LRP8: variants seen among roughly 807,000 people sequenced by gnomAD.
The protein encoded by LRP8 is low-density lipoprotein receptor-related protein 8.
LRP8 carries 46 observed loss-of-function variants against 111.6 expected under a neutral mutation model. That is an observed-to-expected ratio of 0.41 (90% CI 0.33 to 0.53). The LOEUF (loss-of-function observed/expected upper bound fraction) is 0.53. Among genes scored for constraint, LRP8 ranks in the 20% least tolerant of loss-of-function variants. The pLI, the probability that LRP8 is intolerant of heterozygous loss-of-function variation, is 0.20. For missense variants in LRP8, 959 were observed against 1,297.4 expected (o/e 0.74, Z 4.01); for synonymous variants, 464 against 511.2 (o/e 0.91, Z 1.24).
At chr1:53,252,471 G>C (rs1292931938) in intron 16 of LRP8, among the ~76,000 whole-genome samples, 1 of 152,140 alleles carries the variant, frequency 6.6e-6, no homozygotes. Context: ...AGGAGTTCGA[G>C]GATGCAGTGA....
At chr1:53,306,114 A>G (rs942368559) in intron 2 of LRP8, 1 of 152,218 alleles carries the variant, frequency 6.6e-6, no homozygotes, top group Non-Finnish European at 1.5e-5. Flanking sequence ...GGTGGCACTC[A>G]ACCATCTTTC....
intron 6 of LRP8, 113 bp from the exon 7 acceptor site, chr1:53,271,459 G>A (rs1215237460): frequency 9.2e-6 from 11 of 1,197,728 alleles, no homozygotes; most frequent in Middle Eastern, 4.9e-4. Context: ...CTCCCATAGA[G>A]GCAGGAGGGC....
chr1:53,270,754 A>G (rs996418264), intron 8 of LRP8, among the ~76,000 whole-genome samples: 2 of 152,172 alleles, frequency 1.3e-5, no homozygotes, highest in African/African-American at 2.4e-5. Flanking sequence ...AAAGAAACAC[A>G]GCTATTGCTG....
At chr1:53,254,609 T>C (rs1167324838) in intron 16 of LRP8, among the ~76,000 whole-genome samples, 2 of 152,182 alleles carry the variant, frequency 1.3e-5, no homozygotes, top group African/African-American at 4.8e-5. Context: ...CCATGTCTTA[T>C]TCATCTTTAA....
At chr1:53,283,517 C>T (rs1396029075) in intron 3 of LRP8, among the ~76,000 whole-genome samples, 2 of 127,662 alleles carry the variant, frequency 1.6e-5, no homozygotes, top group South Asian at 2.7e-4. Flanking sequence ...ACTACATACC[C>T]GGGCCACTTA....
At chr1:53,265,910 A>C (rs1042755356) in intron 9 of LRP8, among the ~76,000 whole-genome samples, 1 of 152,222 alleles carries the variant, frequency 6.6e-6, no homozygotes, top group East Asian at 1.9e-4. Flanking sequence ...CAGTGTGTGA[A>C]GAGCTTCCCA....
At chr1:53,283,142 A>G (rs1416066069) in intron 3 of LRP8, among the ~76,000 whole-genome samples, 3 of 152,154 alleles carry the variant, frequency 2.0e-5, no homozygotes, top group African/African-American at 7.2e-5. Flanking sequence ...AAGCCATAAC[A>G]GTACAGCTCT....
intron 2 of LRP8, among the ~76,000 whole-genome samples, chr1:53,319,139 A>G (rs1219458527): frequency 6.6e-6 from 1 of 152,176 alleles, no homozygotes; most frequent in Non-Finnish European, 1.5e-5. Flanking sequence ...GGGGATCATA[A>G]TGAACTCCTG....
At chr1:53,268,599 GCATATGAACTC>G (rs1382723329) in intron 8 of LRP8, 53 of 152,180 alleles carry the variant, frequency 3.5e-4, no homozygotes, top group African/African-American at 1.3e-3. Context: ...TATTTAACTT[GCATATGAACTC>G]CAGACTCATA....
chr1:53,254,807 G>T (rs1266444195), intron 16 of LRP8, among the ~76,000 whole-genome samples: 1 of 152,200 alleles, frequency 6.6e-6, no homozygotes. Flanking sequence ...TGGGGAGAAT[G>T]GTGAGCAAGA....
In LRP8 at chr1:53,327,925, G is replaced by C. The variant is rs1011575196; in HGVS notation, c.-13C>G. ...CGGGGAGGCCCATGGCGGGCCCGGG[G>C]CTCCGGCCGCCGCGCCCCGCGCTCC... is the stretch of plus-strand genomic sequence containing the variant. On this transcript the variant is annotated 5_prime_UTR_variant, in exon 1 of 19. Transcript: ENST00000306052. 1 of 1,203,320 alleles carries C rather than the reference G, an allele frequency of 8.3e-7. No homozygotes were observed. The highest frequency in any genetic ancestry group is 1.6e-5 in the African/African-American group (1 of 62,498). The allele number at this position is 1,203,320 out of a possible 1,614,324, so 74.5% of individuals were successfully genotyped here. A position where few individuals can be genotyped will look rare whatever the true frequency, so the allele number is the denominator to read the frequency against.
intron 5 of LRP8, among the ~76,000 whole-genome samples, chr1:53,276,101 A>G (rs1646908349): frequency 6.6e-6 from 1 of 151,942 alleles, no homozygotes; most frequent in South Asian, 2.1e-4. Flanking sequence ...TAATGACTTC[A>G]TCCATTTGGC....
intron 4 of LRP8, among the ~76,000 whole-genome samples, chr1:53,278,288 T>A (rs1284238515): frequency 6.6e-6 from 1 of 152,124 alleles, no homozygotes; most frequent in African/African-American, 2.4e-5. Flanking sequence ...CTCACTTCCC[T>A]CCCTCCTGTG....
At chr1:53,314,534 A>G (rs1210568368) in intron 2 of LRP8, among the ~76,000 whole-genome samples, 1 of 152,084 alleles carries the variant, frequency 6.6e-6, no homozygotes, top group Non-Finnish European at 1.5e-5. Context: ...GTGGGGGCAG[A>G]CTCTGTAAGC....
chr1:53,250,588 G>A lies in LRP8; in HGVS notation c.2676+102C>T. ...GGAGGGAAGGACGGAAGGAAGGAAG[G>A]GAGGGAAGAAAGGATGGGAAGGAAG... On this transcript the variant is annotated intron_variant, in intron 17 of 18. Coordinates refer to ENST00000306052, the MANE Select transcript of LRP8 (RefSeq NM_004631.5). The surrounding 1 kb of genome is among the most constrained non-coding windows in gnomAD (Gnocchi z 4.6). 1 of 985,482 alleles carries A rather than the reference G, an allele frequency of 1.0e-6. No individual in the cohort carries two copies. The highest frequency in any genetic ancestry group is 2.0e-5 in the Admixed American group (1 of 49,988). 61.0% of individuals were successfully genotyped at this position (985,482 alleles called of 1,614,324 possible).
chr1:53,311,608 A>G (rs959586306), intron 2 of LRP8, among the ~76,000 whole-genome samples: 2 of 121,456 alleles, frequency 1.6e-5, no homozygotes, highest in African/African-American at 1.3e-4. Flanking sequence ...CAGCCTCCCC[A>G]GTGTGCTCCC....
At chr1:53,295,898 A>G (rs1161340164) in intron 2 of LRP8, among the ~76,000 whole-genome samples, 1 of 152,214 alleles carries the variant, frequency 6.6e-6, no homozygotes, top group Non-Finnish European at 1.5e-5. Flanking sequence ...CCTACAGATG[A>G]TTAGATGAGG....
intron 6 of LRP8, among the ~76,000 whole-genome samples, chr1:53,273,505 G>A (rs533461438): frequency 2.6e-5 from 4 of 152,332 alleles, no homozygotes; most frequent in South Asian, 2.1e-4. Flanking sequence ...ACACAAGCAC[G>A]TGTGTACGTA....
intron 8 of LRP8, among the ~76,000 whole-genome samples, chr1:53,270,395 C>A (rs1441189568): frequency 1.3e-5 from 2 of 152,134 alleles, no homozygotes; most frequent in Non-Finnish European, 2.9e-5. Flanking sequence ...AAGGGGAAAT[C>A]CCTAAGAAAT....
Sources: gnomAD v4.1 joint callset for allele counts (sites outside exome capture counted in the v4.1 genomes callset) on GRCh38, gnomAD v4.1.1 for gene constraint, Gnocchi (gnomAD v3.1) non-coding constraint, MANE v1.5 for transcripts, NCBI Gene and HGNC (gene_info 2026-07-23, HGNC 2026-07-21) for gene names.